The following ELMOD1 variants were observed in gnomAD, a reference collection of about 807,000 sequenced individuals.
The protein encoded by ELMOD1 is ELMO domain containing 1.
Under a neutral mutation model 46.7 loss-of-function variants are expected in ELMOD1, and 21 were observed. The observed-to-expected ratio is 0.45, with a 90% confidence interval of 0.32 to 0.65. The LOEUF (loss-of-function observed/expected upper bound fraction) is 0.65, where lower values mean the gene tolerates loss of function less well. ELMOD1 is among the 30% of genes least tolerant of loss of function. The pLI, the probability that ELMOD1 is intolerant of heterozygous loss-of-function variation, is 0.04. For synonymous variants in ELMOD1, 122 were observed against 138.2 expected, an observed-to-expected ratio of 0.88 and a Z score of 0.82; for missense variants, 348 against 407.8, an observed-to-expected ratio of 0.85 and a Z score of 1.26.
chr11:107,645,741 A>G (rs535989766), intron 6 of ELMOD1, among the ~76,000 whole-genome samples: 5 of 152,314 alleles, frequency 3.3e-5, no homozygotes, highest in Non-Finnish European at 4.4e-5. Flanking sequence ...TCTACCTCCT[A>G]TCTTTTTACC....
chr11:107,600,536 T>C (rs1409777474), intron 1 of ELMOD1: 3 of 152,240 alleles, frequency 2.0e-5, no homozygotes, highest in African/African-American at 7.2e-5. Context: ...TAAAAAATAT[T>C]CTTACCATTT....
chr11:107,646,175 G>A (rs1365592842), intron 6 of ELMOD1, among the ~76,000 whole-genome samples: 1 of 152,152 alleles, frequency 6.6e-6, no homozygotes, highest in Non-Finnish European at 1.5e-5. Context: ...ATGGGTCTCA[G>A]CGTCTCTCTC....
intron 2 of ELMOD1, among the ~76,000 whole-genome samples, chr11:107,618,907 C>T (rs1449249673): frequency 6.6e-6 from 1 of 152,112 alleles, no homozygotes; most frequent in African/African-American, 2.4e-5. Context: ...TAAAATACGG[C>T]AAAATAAAGT....
rs1041109987 is a variant in ELMOD1 at position 107,666,483 on chromosome 11, A to G, written c.*1286A>G. ...AGTCACTCTGCGATATTTCTTGAAA[A>G]TAACGACCTTGTCTTGTATCAGTGG... On this transcript the variant is annotated 3_prime_UTR_variant, in exon 12 of 12. Transcript: ENST00000265840. 6.5e-6 allele frequency: 1 copy of G among 152,686 alleles called. No homozygotes were observed. Among genetic ancestry groups the G allele is most frequent in the Non-Finnish European group, 1.5e-5 (1 of 68,054 alleles). The allele number at this position is 152,686 out of a possible 1,614,324, so 9.5% of individuals were successfully genotyped here. A position where few individuals can be genotyped will look rare whatever the true frequency, so the allele number is the denominator to read the frequency against.
Position 107,603,434 on chromosome 11 carries a change from G to A in ELMOD1, c.-86+12025G>A, listed in dbSNP as rs112240034. On this transcript the variant is annotated intron_variant, in intron 1 of 11. Transcript: ENST00000265840. The stretch of plus-strand genomic sequence containing the variant: ...CATACCTGCAGTCCCAGCTACTAGG[G>A]AGGCTGAGGTGGGAGGATCGCTTAA... Among the ~76,000 whole-genome samples, 585 of 152,274 alleles carry A rather than the reference G, an allele frequency of 3.8e-3. 2 individuals carry two copies. Among genetic ancestry groups the A allele is most frequent in the African/African-American group, 0.014 (565 of 41,552 alleles).
At chr11:107,665,003 A>G in intron 11 of ELMOD1, 22 bp from the exon 12 acceptor site, 1 of 1,589,054 alleles carries the variant, frequency 6.3e-7, no homozygotes, top group East Asian at 2.2e-5. Flanking sequence ...CTGCATTCTT[A>G]TCATTGTATT....
chr11:107,664,916 C>A, intron 11 of ELMOD1, 109 bp from the exon 12 acceptor site: 1 of 980,414 alleles, frequency 1.0e-6, no homozygotes, highest in Non-Finnish European at 1.5e-6. Flanking sequence ...TTGAGCTCCA[C>A]GGTTGCTGTG....
At chr11:107,600,689 T>A (rs1216772355) in intron 1 of ELMOD1, 1 of 152,984 alleles carries the variant, frequency 6.5e-6, no homozygotes, top group Non-Finnish European at 1.5e-5. Context: ...AACATTTGTT[T>A]ACTCAAGCTC....
At chr11:107,625,397 G>T in intron 2 of ELMOD1, 1 of 982,320 alleles carries the variant, frequency 1.0e-6, no homozygotes, top group African/African-American at 1.7e-5. Flanking sequence ...TTTATTACAG[G>T]ATTTCTTCAA....
At chr11:107,659,550 C>T (rs1425280647) in intron 11 of ELMOD1, among the ~76,000 whole-genome samples, 3 of 150,836 alleles carry the variant, frequency 2.0e-5, no homozygotes, top group African/African-American at 7.3e-5. Flanking sequence ...AAGTTAGAAT[C>T]ATAAAGAATT....
At chr11:107,625,033 G>T (rs993127054) in intron 2 of ELMOD1, among the ~76,000 whole-genome samples, 1 of 152,170 alleles carries the variant, frequency 6.6e-6, no homozygotes, top group African/African-American at 2.4e-5. Context: ...TGCTCTACAG[G>T]AAGGAAATAC....
chr11:107,639,743 G>T (rs1191147582), intron 6 of ELMOD1, among the ~76,000 whole-genome samples: 1 of 152,152 alleles, frequency 6.6e-6, no homozygotes, highest in Non-Finnish European at 1.5e-5. Context: ...TCTGTTTCTT[G>T]TCTTCTGCTA....
intron 1 of ELMOD1, among the ~76,000 whole-genome samples, chr11:107,610,521 G>A (rs548475927): frequency 6.9e-4 from 105 of 152,014 alleles, no homozygotes; most frequent in African/African-American, 2.5e-3. Context: ...AAAATTAGCT[G>A]TGTGTGGTGG....
At chr11:107,662,406 T>C (rs2135720248) in intron 11 of ELMOD1, among the ~76,000 whole-genome samples, 1 of 151,732 alleles carries the variant, frequency 6.6e-6, no homozygotes, top group Admixed American at 6.6e-5. Flanking sequence ...AGGTTGGGAG[T>C]TCGAGACCAG....
intron 1 of ELMOD1, among the ~76,000 whole-genome samples, chr11:107,601,410 T>G (rs1022135955): frequency 3.7e-5 from 5 of 136,336 alleles, no homozygotes; most frequent in East Asian, 4.1e-4. Flanking sequence ...TGTCTATTAA[T>G]TTTTTCTTTT....
intron 1 of ELMOD1, 147 bp downstream of exon 1, chr11:107,591,556 C>A (rs933681793): frequency 3.5e-5 from 9 of 257,882 alleles, no homozygotes; most frequent in Non-Finnish European, 4.7e-5. Flanking sequence ...AGAGAGGGAA[C>A]GGGAATGAAA....
At chr11:107,642,611 C>T (rs748453752) in intron 6 of ELMOD1, among the ~76,000 whole-genome samples, 4 of 151,942 alleles carry the variant, frequency 2.6e-5, no homozygotes, top group South Asian at 2.1e-4. Context: ...CCTCGTGATC[C>T]ACCTCAGCCT....
intron 2 of ELMOD1, among the ~76,000 whole-genome samples, chr11:107,624,531 G>A (rs914885063): frequency 2.0e-5 from 3 of 152,100 alleles, no homozygotes; most frequent in Non-Finnish European, 4.4e-5. Flanking sequence ...CGTACCTGTA[G>A]TCCCAGCTAC....
chr11:107,619,324 G>A (rs1865910609), intron 2 of ELMOD1, among the ~76,000 whole-genome samples: 1 of 152,158 alleles, frequency 6.6e-6, no homozygotes, highest in South Asian at 2.1e-4. Flanking sequence ...TAAAAATATA[G>A]TATTTGAAAA....
Sources: gnomAD v4.1 joint callset for allele counts (sites outside exome capture counted in the v4.1 genomes callset) on GRCh38, gnomAD v4.1.1 for gene constraint, MANE v1.5 for transcripts, NCBI Gene and HGNC (gene_info 2026-07-23, HGNC 2026-07-21) for gene names.